Variants in SAXO1 observed in about 807,000 individuals in gnomAD.
The protein encoded by SAXO1 is 4930500O09Rik.
Under a neutral mutation model 17.5 loss-of-function variants are expected in SAXO1, and 21 were observed. The observed-to-expected ratio is 1.20, with a 90% CI of 0.85 to 1.72. The LOEUF is 1.72. SAXO1 is among the 40% of genes most tolerant of loss of function. The pLI is 0.00. For missense variants in SAXO1, 843 were observed against 596.0 expected (o/e 1.41, Z -4.32); for synonymous variants, 274 against 216.5 (o/e 1.27, Z -2.33).
chr9:19,039,326 G>C (rs1836019389), intron 1 of SAXO1, among the ~76,000 whole-genome samples: 1 of 152,294 alleles, frequency 6.6e-6, no homozygotes, highest in East Asian at 1.9e-4. Flanking sequence ...TAACGGTATT[G>C]TTGGGATGTG....
At position 19,011,848 on chromosome 9, in the gene SAXO1, G is replaced by GTTTTT. The variant is rs10646825; in HGVS notation, c.38+21022_38+21023insAAAAA. On this transcript the variant is annotated intron_variant, in intron 1 of 3. Coordinates refer to ENST00000380534, the MANE Select transcript of SAXO1 (RefSeq NM_153707.4). ...TTCAATTTTACCATTATTAAGCATA[G>GTTTTT]ATTTTTTTTTTTTTTTGAGATGGAG... Among the ~76,000 whole-genome samples the GTTTTT allele has an allele frequency of 1.2e-3, 167 of 143,560 alleles. 26 individuals are homozygous for GTTTTT. Among genetic ancestry groups the GTTTTT allele is most frequent in the East Asian group, 3.1e-3 (15 of 4,902 alleles). 94.2% of individuals were successfully genotyped at this position (143,560 alleles called of 152,430 possible).
intron 1 of SAXO1, among the ~76,000 whole-genome samples, chr9:18,970,028 A>G (rs546531790): frequency 6.6e-6 from 1 of 152,336 alleles, no homozygotes; most frequent in Admixed American, 6.5e-5. Context: ...TCCTCTACCC[A>G]TAAGCACAGA....
intron 1 of SAXO1, among the ~76,000 whole-genome samples, chr9:19,007,125 G>C (rs996964169): frequency 2.6e-5 from 4 of 151,788 alleles, no homozygotes; most frequent in African/African-American, 9.7e-5. Context: ...GAGGCGGGTG[G>C]ATCATGAGGT....
chr9:18,938,828 G>GTA, intron 3 of SAXO1, among the ~76,000 whole-genome samples: 2 of 114,122 alleles, frequency 1.8e-5, no homozygotes, highest in African/African-American at 6.7e-5. Flanking sequence ...GTGCGTGTGT[G>GTA]TGTGTGTGTG....
chr9:19,039,557 T>C lies in SAXO1; in HGVS notation c.-158+9652A>G, dbSNP rs554451346. ...TTGAGAAAGGCCATGCTTAGAGAAC[T>C]GATTTCTCATTTGAGAAATTTTAGT... On this transcript the variant is annotated intron_variant, in intron 1 of 3. Transcript: ENST00000542071. Among the ~76,000 whole-genome samples, 635 of 152,336 alleles carry C rather than the reference T, an allele frequency of 4.2e-3. 5 individuals carry two copies. The highest frequency in any genetic ancestry group is 4.0e-3 in the Non-Finnish European group (273 of 68,024).
At chr9:19,036,833 C>T (rs1333283297), upstream of SAXO1, among the ~76,000 whole-genome samples, 2 of 152,158 alleles carry the variant, frequency 1.3e-5, no homozygotes, top group African/African-American at 2.4e-5. Flanking sequence ...CCAGCATCCT[C>T]CAGACCCCAA....
intron 1 of SAXO1, among the ~76,000 whole-genome samples, chr9:19,040,419 G>A (rs1194423478): frequency 6.6e-6 from 1 of 151,982 alleles, no homozygotes; most frequent in Admixed American, 6.6e-5. Context: ...GAGGCACATG[G>A]ATCACTTGAG....
chr9:18,987,708 G>A (rs904335730), intron 1 of SAXO1, among the ~76,000 whole-genome samples: 1 of 152,050 alleles, frequency 6.6e-6, no homozygotes, highest in African/African-American at 2.4e-5. Flanking sequence ...AGGCCAGCCT[G>A]GGCAACAGAG....
chr9:18,993,658 G>C (rs1833898993), intron 1 of SAXO1, among the ~76,000 whole-genome samples: 1 of 152,138 alleles, frequency 6.6e-6, no homozygotes, highest in African/African-American at 2.4e-5. Flanking sequence ...CTCTGCTGTG[G>C]GTAGGATTTC....
intron 3 of SAXO1, among the ~76,000 whole-genome samples, chr9:18,931,676 A>G (rs1473879911): frequency 6.6e-6 from 1 of 152,202 alleles, no homozygotes; most frequent in Non-Finnish European, 1.5e-5. Context: ...ATCCTTGTCA[A>G]TATTTGTTAT....
At chr9:19,018,444 T>C (rs2131010030) in intron 1 of SAXO1, among the ~76,000 whole-genome samples, 1 of 152,192 alleles carries the variant, frequency 6.6e-6, no homozygotes, top group Middle Eastern at 3.4e-3. Flanking sequence ...AGCTCCAAGG[T>C]GGGTGTGAAG....
intron 1 of SAXO1, among the ~76,000 whole-genome samples, chr9:19,005,291 A>T (rs1301138207): frequency 6.6e-6 from 1 of 152,178 alleles, no homozygotes; most frequent in African/African-American, 2.4e-5. Flanking sequence ...GTTCATATTG[A>T]ATCTCAAGGG....
chr9:19,017,783 A>G (rs1835047683), intron 1 of SAXO1, among the ~76,000 whole-genome samples: 1 of 152,244 alleles, frequency 6.6e-6, no homozygotes, highest in Non-Finnish European at 1.5e-5. Context: ...GCAAGGATTA[A>G]ATGCCTAAGA....
At position 19,041,148 on chromosome 9, in the gene SAXO1, C is replaced by A. The variant is rs183731529; in HGVS notation, c.-158+8061G>T. ...AATCAGGAGCACTTCTACCTGCCAA[C>A]AGTGAACAATCTGAAAAAAAAAAAA... On this transcript the variant is annotated intron_variant, in intron 1 of 3. Coordinates refer to the SAXO1 transcript ENST00000542071. Among the ~76,000 whole-genome samples the A allele has an allele frequency of 1.4e-4, 17 of 123,072 alleles. No homozygotes were observed. The East Asian group carries it at 3.6e-3, about 26-fold the overall frequency. 80.7% of individuals were successfully genotyped at this position (123,072 alleles called of 152,430 possible). A position where few individuals can be genotyped will look rare whatever the true frequency, so the allele number is the denominator to read the frequency against.
intron 1 of SAXO1, among the ~76,000 whole-genome samples, chr9:19,024,873 A>G (rs146907702): frequency 5.5e-4 from 84 of 152,310 alleles, no homozygotes; most frequent in Non-Finnish European, 9.3e-4. Flanking sequence ...TTTAATATCA[A>G]TGGAGGGAAT....
At chr9:18,995,020 C>A (rs921044439) in intron 1 of SAXO1, among the ~76,000 whole-genome samples, 2 of 152,166 alleles carry the variant, frequency 1.3e-5, no homozygotes, top group African/African-American at 4.8e-5. Context: ...CAGGAAGAGA[C>A]TGAGTTTTTC....
At chr9:18,940,352 G>A (rs919124948) in intron 3 of SAXO1, among the ~76,000 whole-genome samples, 18 of 152,200 alleles carry the variant, frequency 1.2e-4, no homozygotes, top group African/African-American at 3.4e-4. Context: ...AGCTATCTAT[G>A]GGGGAGTGTT....
rs1835562351 is a variant in SAXO1 at position 19,027,802 on chromosome 9, C to T, written c.38+5069G>A. The T allele has an allele frequency of 3.3e-6, 5 of 1,509,752 alleles. No homozygotes were observed. The South Asian group carries it at 5.9e-5, about 18-fold the overall frequency. The allele number at this position is 1,509,752 out of a possible 1,614,324, so 93.5% of individuals were successfully genotyped here. A position where few individuals can be genotyped will look rare whatever the true frequency, so the allele number is the denominator to read the frequency against. ...ACCAGCTGGATGGCTTCCAGCCCAA[C>T]ACCCAAGTTAAGGTAATTGCAGTCA... On this transcript the variant is annotated intron_variant, in intron 1 of 3. Transcript: ENST00000380534.
intron 1 of SAXO1, among the ~76,000 whole-genome samples, chr9:18,993,050 TA>T (rs1336370481): frequency 1.9e-4 from 29 of 152,244 alleles, no homozygotes; most frequent in African/African-American, 7.0e-4. Context: ...TCTGCCCACC[TA>T]GGCCTTCCAA....
Sources: gnomAD v4.1 joint callset for allele counts (sites outside exome capture counted in the v4.1 genomes callset) on GRCh38, gnomAD v4.1.1 for gene constraint, MANE v1.5 for transcripts, NCBI Gene and HGNC (gene_info 2026-07-23, HGNC 2026-07-21) for gene names.